The following BEND4 variants were observed in gnomAD, a reference collection of about 807,000 sequenced individuals.
BEND4 encodes BEN domain-containing protein 4.
A neutral mutation model predicts 54.7 loss-of-function variants in BEND4; 27 were observed. The observed-to-expected ratio is 0.49, with a 90% confidence interval of 0.36 to 0.68. The LOEUF (loss-of-function observed/expected upper bound fraction) is 0.68. BEND4 is among the 30% of genes least tolerant of loss of function. The probability of loss-of-function intolerance (pLI) is 0.00; values close to 1 mark genes in which losing one functional copy is unlikely to be tolerated. For missense variants in BEND4, 702 were observed against 697.2 expected (o/e 1.01, Z -0.08); for synonymous variants, 327 against 299.5 (o/e 1.09, Z -0.95).
intron 2 of BEND4, among the ~76,000 whole-genome samples, chr4:42,147,196 C>A (rs986377524): frequency 3.9e-5 from 6 of 152,028 alleles, no homozygotes; most frequent in Admixed American, 3.9e-4. Flanking sequence ...CTTTTCATTA[C>A]CTTGAATTAT....
At chr4:42,118,507 T>A (rs145158013) in intron 5 of BEND4, among the ~76,000 whole-genome samples, 1 of 152,288 alleles carries the variant, frequency 6.6e-6, no homozygotes, top group Admixed American at 6.5e-5. Context: ...CAGCAGTCTC[T>A]GGTTAGGCAG....
chr4:42,146,097 C>A (rs540894314), intron 2 of BEND4, among the ~76,000 whole-genome samples: 2 of 152,290 alleles, frequency 1.3e-5, no homozygotes, highest in Admixed American at 6.5e-5. Context: ...CGCCACCTGA[C>A]CCTCCTTCTC....
At chr4:42,132,279 G>A (rs978653679) in intron 3 of BEND4, among the ~76,000 whole-genome samples, 1 of 152,114 alleles carries the variant, frequency 6.6e-6, no homozygotes, top group Admixed American at 6.5e-5. Flanking sequence ...TAGCTGTGTG[G>A]AGTCCAGGCC....
Position 42,116,329 on chromosome 4 carries a change from T to C in BEND4, c.*1189A>G, listed in dbSNP as rs1314398715. ...AGAAATGATGACTCTAGCACCTCTA[T>C]AGCATTTGCCAATATGGAAAGTTTC... On this transcript the variant is annotated 3_prime_UTR_variant, in exon 6 of 6. Coordinates refer to ENST00000502486, the MANE Select transcript of BEND4 (RefSeq NM_207406.4). The C allele has an allele frequency of 6.6e-6, 1 of 152,196 alleles. No individual in the cohort carries two copies. The highest frequency in any genetic ancestry group is 1.5e-5 in the Non-Finnish European group (1 of 68,044). The allele number at this position is 152,196 out of a possible 1,614,324, so 9.4% of individuals were successfully genotyped here. A position where few individuals can be genotyped will look rare whatever the true frequency, so the allele number is the denominator to read the frequency against.
chr4:42,136,617 T>A (rs984908927), intron 3 of BEND4, among the ~76,000 whole-genome samples: 4 of 152,242 alleles, frequency 2.6e-5, no homozygotes, highest in African/African-American at 9.6e-5. Context: ...TTGTTTCAGC[T>A]CTCGTAACTG....
At chr4:42,123,274 A>G (rs898794186) in intron 4 of BEND4, among the ~76,000 whole-genome samples, 1 of 152,212 alleles carries the variant, frequency 6.6e-6, no homozygotes, top group African/African-American at 2.4e-5. Flanking sequence ...CATAATGATG[A>G]TGAGTCATAA....
At chr4:42,124,474 T>C (rs1408713134) in intron 4 of BEND4, among the ~76,000 whole-genome samples, 3 of 151,980 alleles carry the variant, frequency 2.0e-5, no homozygotes, top group African/African-American at 7.3e-5. Context: ...GAAGGCGTCA[T>C]AGGAAGAGGG....
intron 2 of BEND4, among the ~76,000 whole-genome samples, chr4:42,146,610 T>G (rs931998533): frequency 2.0e-5 from 3 of 152,234 alleles, no homozygotes; most frequent in Admixed American, 6.5e-5. Flanking sequence ...TGGTTTCTGT[T>G]CTTTTATTAG....
rs1481586122 is a variant in BEND4 at position 42,116,148 on chromosome 4, TCCAA to T, written c.*1366_*1369del. The T allele has an allele frequency of 1.3e-5, 2 of 152,168 alleles. No individual in the cohort carries two copies. Among genetic ancestry groups the T allele is most frequent in the African/African-American group, 2.4e-5 (1 of 41,442 alleles). 9.4% of individuals were successfully genotyped at this position (152,168 alleles called of 1,614,324 possible). On this transcript the variant is annotated 3_prime_UTR_variant, in exon 6 of 6. Coordinates refer to ENST00000502486, the MANE Select transcript of BEND4 (RefSeq NM_207406.4). ...CAATGGATGCTCATTAACCTGAATCTCCAACCAATTTTCAAAAACCCTTGGTCAT... is the reference window on the plus strand; with the variant it reads ...CAATGGATGCTCATTAACCTGAATCTCCAATTTTCAAAAACCCTTGGTCAT...
intron 2 of BEND4, chr4:42,151,326 G>T: frequency 4.9e-6 from 1 of 202,768 alleles, no homozygotes; most frequent in Non-Finnish European, 9.1e-6. Context: ...TTCTTCCCGA[G>T]CGGCCGCCGC....
At chr4:42,149,602 C>T (rs1386286544) in intron 2 of BEND4, among the ~76,000 whole-genome samples, 22 of 152,072 alleles carry the variant, frequency 1.4e-4, no homozygotes, top group Admixed American at 1.3e-3. Context: ...CAAAAAAGCC[C>T]CTCTTCACTC....
chr4:42,141,300 A>T lies in BEND4; in HGVS notation c.1054+2128T>A, dbSNP rs534438220. 1.4e-4 allele frequency among the ~76,000 whole-genome samples: 22 copies of T among 152,340 alleles called. No homozygotes were observed. In the South Asian group the frequency reaches 4.6e-3, roughly 32 times the overall value. On this transcript the variant is annotated intron_variant, in intron 3 of 5. Transcript: ENST00000502486. ...AACCAAGCCTCAGCTCTATTTGGAGAATTATTTTAAATGATAAACCTTCTT... is the reference window on the plus strand; with the variant it reads ...AACCAAGCCTCAGCTCTATTTGGAGTATTATTTTAAATGATAAACCTTCTT...
In BEND4 at chr4:42,117,704, G is replaced by C; in HGVS notation, c.1419C>G (p.Pro473=). The change falls in exon 6 of 6, where the codon CCC becomes CCG. Residue 473 remains proline, a synonymous_variant. Coordinates refer to ENST00000502486, the MANE Select transcript of BEND4 (RefSeq NM_207406.4). ...GCTCTTCCGAGGGCATCCACCAATCGGGGTTGGAGGTACAATGCATCCTAA... is the reference window on the plus strand; with the variant it reads ...GCTCTTCCGAGGGCATCCACCAATCCGGGTTGGAGGTACAATGCATCCTAA... The part of the protein sequence containing the change: ...EFIRMHCTSN[P]DWWMPSEEQI... The C allele has an allele frequency of 6.2e-7, 1 of 1,607,826 alleles. No homozygotes were observed. Among genetic ancestry groups the C allele is most frequent in the Non-Finnish European group, 8.5e-7 (1 of 1,176,932 alleles).
At chr4:42,124,177 A>T (rs1720180712) in intron 4 of BEND4, among the ~76,000 whole-genome samples, 1 of 152,168 alleles carries the variant, frequency 6.6e-6, no homozygotes, top group African/African-American at 2.4e-5. Context: ...CAACATAGTG[A>T]CACCCCATCT....
At chr4:42,151,324 G>A (rs893664990) in intron 2 of BEND4, 17 of 205,458 alleles carry the variant, frequency 8.3e-5, no homozygotes, top group East Asian at 3.6e-4. Context: ...GCTTCTTCCC[G>A]AGCGGCCGCC....
intron 2 of BEND4, among the ~76,000 whole-genome samples, chr4:42,145,707 GAA>G (rs937620941): frequency 4.2e-5 from 6 of 142,344 alleles, no homozygotes; most frequent in Non-Finnish European, 9.2e-5. Flanking sequence ...AAAAAAAAAA[GAA>G]TATATATGTA....
At position 42,115,968 on chromosome 4, in the gene BEND4, A is replaced by G. The variant is rs1392215148; in HGVS notation, c.*1550T>C. The G allele has an allele frequency of 1.3e-5, 2 of 152,222 alleles. No homozygotes were observed. Among genetic ancestry groups the G allele is most frequent in the Admixed American group, 6.5e-5 (1 of 15,286 alleles). The allele number at this position is 152,222 out of a possible 1,614,324, so 9.4% of individuals were successfully genotyped here. A position where few individuals can be genotyped will look rare whatever the true frequency, so the allele number is the denominator to read the frequency against. On this transcript the variant is annotated 3_prime_UTR_variant, in exon 6 of 6. Coordinates refer to ENST00000502486, the MANE Select transcript of BEND4 (RefSeq NM_207406.4). ...ACCTCCATAAACATTAAACTTTTCAATGGATGAATTCTAGTAATACAAAAA... is the reference window on the plus strand; with the variant it reads ...ACCTCCATAAACATTAAACTTTTCAGTGGATGAATTCTAGTAATACAAAAA...
At chr4:42,140,014 C>T (rs549085920) in intron 3 of BEND4, among the ~76,000 whole-genome samples, 1 of 152,322 alleles carries the variant, frequency 6.6e-6, no homozygotes, top group South Asian at 2.1e-4. Context: ...CACAGCTAAT[C>T]AAGTAAAAAG....
chr4:42,114,020 C>G lies in BEND4; in HGVS notation c.*3498G>C, dbSNP rs1333999923. On this transcript the variant is annotated 3_prime_UTR_variant, in exon 6 of 6. Transcript: ENST00000502486. Reference sequence around the variant, plus strand: ...TATTTACAAGTAAATACAGAAAGTACTTGTAAAATGTTCAAGTAAAATGAG... The same window carrying G: ...TATTTACAAGTAAATACAGAAAGTAGTTGTAAAATGTTCAAGTAAAATGAG... The G allele has an allele frequency of 6.6e-6, 1 of 152,154 alleles. No homozygotes were observed. Among genetic ancestry groups the G allele is most frequent in the Non-Finnish European group, 1.5e-5 (1 of 68,026 alleles). The allele number at this position is 152,154 out of a possible 1,614,324, so 9.4% of individuals were successfully genotyped here.
Sources: gnomAD v4.1 joint callset for allele counts (sites outside exome capture counted in the v4.1 genomes callset) on GRCh38, gnomAD v4.1.1 for gene constraint, MANE v1.5 for transcripts, NCBI Gene and HGNC (gene_info 2026-07-23, HGNC 2026-07-21) for gene names.